The following PRAME variants were observed in gnomAD, a reference collection of about 807,000 sequenced individuals.
The protein encoded by PRAME is PRAME nuclear receptor transcriptional regulator, also known as melanoma antigen preferentially expressed in tumors.
Under a neutral mutation model 32.1 loss-of-function variants are expected in PRAME, and 21 were observed. That is an observed-to-expected ratio of 0.65 (90% CI 0.46 to 0.94). The LOEUF (loss-of-function observed/expected upper bound fraction) is 0.94. Among genes scored for constraint, PRAME ranks in the 40% least tolerant of loss-of-function variants. The pLI is 0.00. For missense variants in PRAME, 651 were observed against 622.3 expected, an observed-to-expected ratio of 1.05 and a Z score of -0.49; for synonymous variants, 274 against 251.5, an observed-to-expected ratio of 1.09 and a Z score of -0.85.
intron 4 of PRAME, 63 bp from the exon 5 acceptor site, chr22:22,550,397 T>C (rs896420700): frequency 1.3e-6 from 2 of 1,556,806 alleles, no homozygotes; most frequent in African/African-American, 2.7e-5. Context: ...AATAAGACCA[T>C]GAGTCTCATA....
chr22:22,551,359 A>C (rs965446232), intron 3 of PRAME, among the ~76,000 whole-genome samples: 6 of 151,872 alleles, frequency 4.0e-5, no homozygotes, highest in Non-Finnish European at 8.8e-5. Flanking sequence ...ACTCTATTTA[A>C]TTCTAGTCCC....
Position 22,548,618 on chromosome 22 carries a change from G to T in PRAME, c.979C>A (p.Leu327Ile). 1 of 1,603,904 alleles carries T rather than the reference G, an allele frequency of 6.2e-7. No individual in the cohort carries two copies. The highest frequency in any genetic ancestry group is 8.5e-7 in the Non-Finnish European group (1 of 1,178,924). Reference protein sequence around the residue: ...LRHVMNPLETLSITNCRLSEG... With the variant: ...LRHVMNPLETISITNCRLSEG... ...GAAAGCCGGCAGTTAGTTATTGAGAGGGTTTCCAAGGGGTTCATCACGTGC... is the reference window on the plus strand; with the variant it reads ...GAAAGCCGGCAGTTAGTTATTGAGATGGTTTCCAAGGGGTTCATCACGTGC... The change falls in exon 6 of 6, where the codon CTC becomes ATC. Residue 327 changes from leucine to isoleucine, a missense_variant. Physicochemically the swap from Leu to Ile is conservative, Grantham distance 5 (BLOSUM62 2). Coordinates refer to ENST00000405655, the MANE Select transcript of PRAME (RefSeq NM_206956.3).
At chr22:22,554,173 T>TG (rs1292573024) in intron 3 of PRAME, 3 of 985,164 alleles carry the variant, frequency 3.0e-6, no homozygotes, top group Non-Finnish European at 3.6e-6. Context: ...GATCACCCAC[T>TG]GGTGCTTTTG....
chr22:22,558,609 G>A (rs1398148332), intron 1 of PRAME, among the ~76,000 whole-genome samples: 1 of 140,762 alleles, frequency 7.1e-6, no homozygotes, highest in Non-Finnish European at 1.5e-5. Context: ...GATGGCTGCG[G>A]CCTTTCCCAC....
At position 22,559,033 on chromosome 22, in the gene PRAME, G is replaced by T; in HGVS notation, c.-176C>A. The T allele has an allele frequency of 6.0e-6, 1 of 166,602 alleles. No homozygotes were observed. The highest frequency in any genetic ancestry group is 1.3e-5 in the Non-Finnish European group (1 of 78,752). 10.3% of individuals were successfully genotyped at this position (166,602 alleles called of 1,614,324 possible). A position where few individuals can be genotyped will look rare whatever the true frequency, so the allele number is the denominator to read the frequency against. Reference sequence around the variant, plus strand: ...GGTTTCCCAGAACTTTCTGAGGCCCGCGCATGCTCCCCTCGACTCCCCGTG... The same window carrying T: ...GGTTTCCCAGAACTTTCTGAGGCCCTCGCATGCTCCCCTCGACTCCCCGTG... On this transcript the variant is annotated 5_prime_UTR_variant, in exon 1 of 6. Coordinates refer to ENST00000405655, the MANE Select transcript of PRAME (RefSeq NM_206956.3).
intron 3 of PRAME, chr22:22,552,705 G>A (rs527801550): frequency 9.8e-6 from 3 of 305,466 alleles, no homozygotes; most frequent in African/African-American, 2.2e-5. Flanking sequence ...TGTAAGGAAA[G>A]AAAAAGGAAA....
chr22:22,556,169 T>G (rs921273295), intron 3 of PRAME, among the ~76,000 whole-genome samples: 18 of 151,080 alleles, frequency 1.2e-4, no homozygotes, highest in Admixed American at 3.3e-4. Flanking sequence ...CCAGCTAATT[T>G]TTTTTCTATT....
At chr22:22,554,273 G>A (rs1157739242) in intron 3 of PRAME, 1 of 982,202 alleles carries the variant, frequency 1.0e-6, no homozygotes, top group Non-Finnish European at 1.2e-6. Flanking sequence ...TATTCTACTG[G>A]CAAGTGTCCA....
chr22:22,557,639 G>C (rs1365159484), intron 1 of PRAME, 59 bp from the exon 2 acceptor site: 1 of 148,772 alleles, frequency 6.7e-6, no homozygotes, highest in East Asian at 2.1e-4. Context: ...GCGTGGGGCG[G>C]GGGGGGCGGC....
intron 3 of PRAME, among the ~76,000 whole-genome samples, chr22:22,552,290 C>A (rs187466746): frequency 1.3e-5 from 2 of 149,492 alleles, no homozygotes. Flanking sequence ...TAAAAAAAAG[C>A]CTAACTAGTA....
Position 22,559,219 on chromosome 22 carries a change from C to T in PRAME, c.-362G>A. ...GGGAAGCGGGTGGGGTGTCCCGGAG[C>T]GGTGCTGAGGCGCTGCAGGCCCGGC... On this transcript the variant is annotated 5_prime_UTR_variant, in exon 1 of 6. Transcript: ENST00000405655. 3.4e-6 allele frequency: 1 copy of T among 295,908 alleles called. No homozygotes were observed. The highest frequency in any genetic ancestry group is 2.9e-5 in the South Asian group (1 of 34,482). 18.3% of individuals were successfully genotyped at this position (295,908 alleles called of 1,614,324 possible).
chr22:22,557,280 G>A (rs984319538), intron 2 of PRAME: 2 of 223,650 alleles, frequency 8.9e-6, no homozygotes, highest in Admixed American at 4.9e-5. Context: ...AGCATCCACC[G>A]CATTACAAAT....
chr22:22,554,206 AAAGAAT>A, intron 3 of PRAME: 8 of 985,174 alleles, frequency 8.1e-6, no homozygotes, highest in Non-Finnish European at 9.6e-6. Flanking sequence ...CTCTCCACCC[AAAGAAT>A]TCTCCAGGCC....
Position 22,550,860 on chromosome 22 carries a change from C to A in PRAME, c.251G>T (p.Gly84Val). ...QAWPFTCLPL[G>V]VLMKGQHLHL... ...AAGATGTTGTCCCTTCATCAGCACT[C>A]CCAGAGGGAGGCAGGTGAAGGGCCA... The change falls in exon 4 of 6, where the codon GGA (glycine) becomes GTA (valine). Residue 84 changes from glycine to valine, a missense_variant. Physicochemically the swap from Gly to Val is moderately radical, Grantham distance 109. Coordinates refer to ENST00000405655, the MANE Select transcript of PRAME (RefSeq NM_206956.3). The A allele has an allele frequency of 3.7e-6, 6 of 1,613,758 alleles. No individual in the cohort carries two copies. The highest frequency in any genetic ancestry group is 5.1e-6 in the Non-Finnish European group (6 of 1,179,884).
chr22:22,550,787 A>C lies in PRAME; in HGVS notation c.324T>G (p.Leu108=), dbSNP rs1438970868. ...CTTACCTGGGGCGAACCTCCTGGGC[A>C]AGGAGCACATCAAGTCCATCAAGCA... The part of the protein sequence containing the change: ...KAVLDGLDVL[L]AQEVRPRRWK... The change falls in exon 4 of 6, where the codon CTT becomes CTG. Residue 108 remains leucine (L), a synonymous_variant. Transcript: ENST00000405655. 6.3e-7 allele frequency: 1 copy of C among 1,591,912 alleles called. No individual in the cohort carries two copies. The highest frequency in any genetic ancestry group is 8.6e-7 in the Non-Finnish European group (1 of 1,165,428).
chr22:22,552,050 G>A (rs571718097), intron 3 of PRAME, among the ~76,000 whole-genome samples: 25 of 150,246 alleles, frequency 1.7e-4, no homozygotes, highest in Admixed American at 8.1e-4. Context: ...TGGGAGGCCA[G>A]GGTGGGAGAA....
At chr22:22,549,557 AGTT>A in intron 5 of PRAME, among the ~76,000 whole-genome samples, 166 bp downstream of exon 5, 1 of 152,074 alleles carries the variant, frequency 6.6e-6, no homozygotes. Context: ...TATGAGTAGT[AGTT>A]ATGTGATACC....
At chr22:22,550,440 A>G in intron 4 of PRAME, 106 bp from the exon 5 acceptor site, 1 of 1,401,574 alleles carries the variant, frequency 7.1e-7, no homozygotes, top group Non-Finnish European at 9.6e-7. Context: ...CATCCACCTT[A>G]GATCTGCACT....
chr22:22,555,793 G>A (rs951781865), intron 3 of PRAME: 6 of 450,864 alleles, frequency 1.3e-5, no homozygotes, highest in African/African-American at 6.0e-5. Flanking sequence ...CCAAGGATGA[G>A]GCAGTGCAAT....
Sources: gnomAD v4.1 joint callset for allele counts (sites outside exome capture counted in the v4.1 genomes callset) on GRCh38, gnomAD v4.1.1 for gene constraint, MANE v1.5 for transcripts, NCBI Gene and HGNC (gene_info 2026-07-23, HGNC 2026-07-21) for gene names.